Variants in INCENP observed in about 807,000 individuals in gnomAD.
INCENP encodes the protein inner centromere protein.
Under a neutral mutation model 107.3 loss-of-function variants are expected in INCENP, and 43 were observed. The ratio of observed to expected loss-of-function variants is 0.40; its 90% CI spans 0.31 to 0.52. The LOEUF (loss-of-function observed/expected upper bound fraction) is 0.52. Among genes scored for constraint, INCENP ranks in the 20% least tolerant of loss-of-function variants. The pLI, the probability that INCENP is intolerant of heterozygous loss-of-function variation, is 0.53. For missense variants in INCENP, 1,089 were observed against 1,250.9 expected, an observed-to-expected ratio of 0.87 and a Z score of 1.95; for synonymous variants, 488 against 494.4, an observed-to-expected ratio of 0.99 and a Z score of 0.17.
rs533213596 is a variant in INCENP, at chr11:62,144,577, A to G, written c.1606-405A>G. 2.6e-5 allele frequency among the ~76,000 whole-genome samples: 4 copies of G among 152,326 alleles called. No individual in the cohort carries two copies. In the East Asian group the frequency reaches 7.7e-4, roughly 29 times the overall value. On this transcript the variant is annotated intron_variant, in intron 11 of 18. Transcript: ENST00000394818. ...AACCTTGCATCTGCACCACCCCCTTACTAGAACATTCACCATGATTGGGAG... is the reference window on the plus strand; with the variant it reads ...AACCTTGCATCTGCACCACCCCCTTGCTAGAACATTCACCATGATTGGGAG...
In INCENP at chr11:62,130,225, T is replaced by C. The variant is rs1423249674; in HGVS notation, c.698T>C (p.Val233Ala). 1 of 1,613,684 alleles carries C rather than the reference T, an allele frequency of 6.2e-7. No homozygotes were observed. The highest frequency in any genetic ancestry group is 2.2e-5 in the East Asian group (1 of 44,890). The change falls in exon 4 of 19, where the codon GTG becomes GCG. Residue 233 changes from valine (V) to alanine (A), a missense_variant. Physicochemically the swap from Val to Ala is moderately conservative, Grantham distance 64. Transcript: ENST00000394818. ...GCCAGGATACTGGAGTCCATCACAG[T>C]GAGCTCCCTGATGGCTACACCCCAG... ...SKARILESITVSSLMATPQDP... is the reference protein window; with the variant it reads ...SKARILESITASSLMATPQDP...
At chr11:62,150,650 C>T (rs555748756) in intron 18 of INCENP, among the ~76,000 whole-genome samples, 96 of 152,272 alleles carry the variant, frequency 6.3e-4, no homozygotes, top group Non-Finnish European at 1.1e-3. Flanking sequence ...CTCGGGGAGG[C>T]AGGAAAGTCC....
Position 62,140,667 on chromosome 11 carries a change from G to T in INCENP, c.1344-37G>T, listed in dbSNP as rs201544625. On this transcript the variant is annotated intron_variant, in intron 8 of 18. Transcript: ENST00000394818. ...TGATGGGGTGTGGCTGGGCTGTGGC[G>T]GGCTGCCCTGTGATGCCGCCGCCCG... The T allele has an allele frequency of 3.3e-6, 5 of 1,515,308 alleles. No individual in the cohort carries two copies. The East Asian group carries it at 1.2e-4, about 37-fold the overall frequency. 93.9% of individuals were successfully genotyped at this position (1,515,308 alleles called of 1,614,324 possible).
chr11:62,136,079 G>A (rs1202074637), intron 4 of INCENP, among the ~76,000 whole-genome samples: 1 of 152,222 alleles, frequency 6.6e-6, no homozygotes. Flanking sequence ...TTACAGGCGT[G>A]AGCCACCGCA....
intron 1 of INCENP, among the ~76,000 whole-genome samples, chr11:62,127,043 G>GTT (rs61614201): frequency 0.032 from 4,720 of 145,546 alleles, 253 homozygotes; most frequent in African/African-American, 0.1. Context: ...TTTTTGTTTT[G>GTT]TTTTTTTTTT....
chr11:62,128,693 C>T, intron 2 of INCENP, 77 bp from the exon 3 acceptor site: 2 of 1,019,284 alleles, frequency 2.0e-6, no homozygotes, highest in Non-Finnish European at 3.1e-6. Flanking sequence ...AGGAAATGGG[C>T]AGGGGCCAGG....
At chr11:62,131,062 G>A (rs1017914679) in intron 4 of INCENP, among the ~76,000 whole-genome samples, 4 of 152,192 alleles carry the variant, frequency 2.6e-5, no homozygotes, top group African/African-American at 7.2e-5. Flanking sequence ...TTTGCGCGCC[G>A]CCTATTGGCG....
In INCENP at chr11:62,148,478, A is replaced by G; in HGVS notation, c.2207A>G (p.Glu736Gly). The change falls in exon 16 of 19, where the codon GAG becomes GGG. Residue 736 changes from glutamate to glycine, a missense_variant and splice_region_variant. By Grantham distance (98) the Glu-to-Gly change is moderately conservative. Coordinates refer to ENST00000394818, the MANE Select transcript of INCENP (RefSeq NM_001040694.2). ...REQERLQAER[E>G]LQEREKALRL... ...ACAGGCTCTTGCTGGGTCCTCAGGG[A>G]GCTGCAGGAGCGGGAGAAGGCCCTG... is the stretch of plus-strand genomic sequence containing the variant. 6.2e-7 allele frequency: 1 copy of G among 1,601,110 alleles called. No individual in the cohort carries two copies. Among genetic ancestry groups the G allele is most frequent in the Non-Finnish European group, 8.5e-7 (1 of 1,175,150 alleles).
chr11:62,125,908 A>T (rs1399759121), intron 1 of INCENP, among the ~76,000 whole-genome samples: 1 of 152,230 alleles, frequency 6.6e-6, no homozygotes, highest in East Asian at 1.9e-4. Context: ...GAGAATTACA[A>T]TCAATGAATG....
intron 4 of INCENP, among the ~76,000 whole-genome samples, chr11:62,131,457 C>T (rs537459908): frequency 6.6e-6 from 1 of 152,260 alleles, no homozygotes; most frequent in South Asian, 2.1e-4. Flanking sequence ...GAGGGGCAGG[C>T]TGGCTGCATG....
Position 62,148,463 on chromosome 11 carries a change from G to T in INCENP, c.2205-13G>T, listed in dbSNP as rs544720995. The stretch of plus-strand genomic sequence containing the variant: ...CCACTTCCTGTCCTAACAGGCTCTT[G>T]CTGGGTCCTCAGGGAGCTGCAGGAG... On this transcript the variant is annotated splice_polypyrimidine_tract_variant and intron_variant, in intron 15 of 18. Coordinates refer to ENST00000394818, the MANE Select transcript of INCENP (RefSeq NM_001040694.2). 6.3e-7 allele frequency: 1 copy of T among 1,595,208 alleles called. No homozygotes were observed. The highest frequency in any genetic ancestry group is 1.1e-5 in the South Asian group (1 of 87,242).
chr11:62,141,738 G>A, intron 11 of INCENP: 1 of 627,928 alleles, frequency 1.6e-6, no homozygotes, highest in Non-Finnish European at 2.8e-6. Context: ...CTGCTCTTAG[G>A]AGGAAGCAAG....
intron 4 of INCENP, among the ~76,000 whole-genome samples, chr11:62,131,061 C>T (rs1007731777): frequency 1.3e-5 from 2 of 152,298 alleles, no homozygotes; most frequent in East Asian, 1.9e-4. Flanking sequence ...GTTTGCGCGC[C>T]GCCTATTGGC....
At chr11:62,136,229 A>G (rs1943991285) in intron 4 of INCENP, among the ~76,000 whole-genome samples, 1 of 152,210 alleles carries the variant, frequency 6.6e-6, no homozygotes, top group Non-Finnish European at 1.5e-5. Context: ...CTTTTAATTA[A>G]TAATAGTGGT....
chr11:62,126,939 G>A (rs1019203439), intron 1 of INCENP, among the ~76,000 whole-genome samples: 1 of 152,140 alleles, frequency 6.6e-6, no homozygotes, highest in Non-Finnish European at 1.5e-5. Flanking sequence ...ATTTTCCACT[G>A]GTGGTTGATT....
At chr11:62,137,110 T>C (rs947172479) in intron 4 of INCENP, among the ~76,000 whole-genome samples, 4 of 152,076 alleles carry the variant, frequency 2.6e-5, no homozygotes, top group African/African-American at 9.7e-5. Flanking sequence ...TCCCAGCACT[T>C]TGGGAGGCCG....
At chr11:62,136,835 T>C (rs544867943) in intron 4 of INCENP, among the ~76,000 whole-genome samples, 2 of 152,362 alleles carry the variant, frequency 1.3e-5, no homozygotes, top group South Asian at 4.1e-4. Context: ...AGTTCCTCAT[T>C]GCTTTTGTGC....
At position 62,146,719 on chromosome 11, in the gene INCENP, G is replaced by A. The variant is rs1010694602; in HGVS notation, c.2021G>A (p.Arg674Gln). The change falls in exon 15 of 19, where the codon CGG becomes CAG. Residue 674 changes from arginine to glutamine, a missense_variant. By Grantham distance (43) the Arg-to-Gln change is conservative. Transcript: ENST00000394818. Reference protein sequence around the residue: ...LQKKKEEEQERLRKAAEAKRL... With the variant: ...LQKKKEEEQEQLRKAAEAKRL... ...AAGAAGAAGGAAGAGGAGCAGGAGC[G>A]GCTGCGGAAGGCGGCCGAGGCTAAG... 8.4e-6 allele frequency: 13 copies of A among 1,550,374 alleles called. No individual in the cohort carries two copies. The highest frequency in any genetic ancestry group is 2.7e-5 in the African/African-American group (2 of 72,932).
Position 62,128,177 on chromosome 11 carries a change from C to G in INCENP, c.16C>G (p.Pro6Ala). Residue 6 changes from proline to alanine, a missense_variant, in exon 2 of 19, where the codon CCA (proline) becomes GCA (alanine). Pro to Ala is a conservative substitution (Grantham distance 27). Coordinates refer to ENST00000394818, the MANE Select transcript of INCENP (RefSeq NM_001040694.2). MGTTA[P>A]GPIHLLELCD... ...CAGAGCCACCATGGGGACGACGGCC[C>G]CAGGGCCCATTCACCTGCTGGAGCT... 1 of 1,614,158 alleles carries G rather than the reference C, an allele frequency of 6.2e-7. No homozygotes were observed. The highest frequency in any genetic ancestry group is 8.5e-7 in the Non-Finnish European group (1 of 1,180,022).
Sources: gnomAD v4.1 joint callset for allele counts (sites outside exome capture counted in the v4.1 genomes callset) on GRCh38, gnomAD v4.1.1 for gene constraint, MANE v1.5 for transcripts, NCBI Gene and HGNC (gene_info 2026-07-23, HGNC 2026-07-21) for gene names.